GREB1: variants seen among roughly 807,000 people sequenced by gnomAD.
GREB1 encodes the protein growth regulating estrogen receptor binding 1.
GREB1 carries 106 observed loss-of-function variants against 200.7 expected under a neutral mutation model. That is an observed-to-expected ratio of 0.53 (90% CI 0.45 to 0.62). GREB1 has a LOEUF of 0.62. Among genes scored for constraint, GREB1 ranks in the 20% least tolerant of loss-of-function variants. The pLI is 0.00. For missense variants in GREB1, 2,243 were observed against 2,556.8 expected (o/e 0.88, Z 2.65); for synonymous variants, 1,132 against 1,092.4 (o/e 1.04, Z -0.72).
intron 4 of GREB1, 46 bp from the exon 5 acceptor site, chr2:11,576,307 C>CAA (rs368045289): frequency 4.6e-4 from 546 of 1,184,280 alleles, no homozygotes; most frequent in Middle Eastern, 6.6e-4. Flanking sequence ...GACTTCATCT[C>CAA]AAAAAAAAAA....
At chr2:11,635,679 A>T (rs990052661) in intron 30 of GREB1, among the ~76,000 whole-genome samples, 3 of 152,014 alleles carry the variant, frequency 2.0e-5, no homozygotes, top group Admixed American at 1.3e-4. Flanking sequence ...CACCTGCCCC[A>T]GCTGGGTGAG....
chr2:11,627,308 G>A (rs1171177081), intron 25 of GREB1, among the ~76,000 whole-genome samples: 1 of 152,212 alleles, frequency 6.6e-6, no homozygotes, highest in Non-Finnish European at 1.5e-5. Context: ...GGGGTTGTGT[G>A]TTTATCAGTG....
chr2:11,484,591 AC>A (rs66583739), intron 1 of GREB1, among the ~76,000 whole-genome samples: 2,077 of 7,374 alleles, frequency 0.28, 82 homozygotes, highest in African/African-American at 0.42. Context: ...CTCTTAAAAA[AC>A]AAAAAAAAAA....
At chr2:11,609,395 A>G (rs1202243531) in intron 17 of GREB1, among the ~76,000 whole-genome samples, 3 of 151,988 alleles carry the variant, frequency 2.0e-5, no homozygotes, top group Admixed American at 6.6e-5. Context: ...CAGCCTCCCA[A>G]GTAGCTGGGA....
rs1387552348 is a variant in GREB1 at position 11,627,044 on chromosome 2, C to G, written c.4389C>G (p.Tyr1463Ter). The G allele has an allele frequency of 1.9e-6, 3 of 1,613,980 alleles. No individual in the cohort carries two copies. Among genetic ancestry groups the G allele is most frequent in the East Asian group, 2.2e-5 (1 of 44,880 alleles). Residue 1463 changes from tyrosine (Y) to a stop codon, truncating the protein, a stop_gained, in exon 25 of 33, where the codon TAC becomes TAG. Transcript: ENST00000381486. LOFTEE classifies it high-confidence loss of function. ...TGAGACTGTCCAAGTACGCAGCGTA[C>G]AACACTTACCACCACTGTGAGCAGT... ...ARMRLSKYAA[Y>*]NTYHHCEQCH...
Position 11,629,944 on chromosome 2 carries a change from C to G in GREB1, c.4450-4C>G, listed in dbSNP as rs752530132. 6.2e-7 allele frequency: 1 copy of G among 1,613,702 alleles called. No homozygotes were observed. Among genetic ancestry groups the G allele is most frequent in the African/African-American group, 1.3e-5 (1 of 74,912 alleles). On this transcript the variant is annotated splice_region_variant and splice_polypyrimidine_tract_variant and intron_variant, in intron 25 of 32. Coordinates refer to ENST00000381486, the MANE Select transcript of GREB1 (RefSeq NM_014668.4). This position sits in a 1 kb window ranked among gnomAD's most constrained non-coding sequence, Gnocchi z 5.2. ...CAAGCTCTGTCCTTTCCCCCACACC[C>G]CAGCTGTATGAGTCCACCCTGCACG...
At chr2:11,551,385 C>T (rs918851449) in intron 1 of GREB1, among the ~76,000 whole-genome samples, 4 of 152,148 alleles carry the variant, frequency 2.6e-5, no homozygotes, top group Admixed American at 2.0e-4. Flanking sequence ...AGTGTCTGCC[C>T]GGCCTCCTGC....
At chr2:11,549,313 G>GT (rs1206611613) in intron 1 of GREB1, among the ~76,000 whole-genome samples, 3 of 152,000 alleles carry the variant, frequency 2.0e-5, no homozygotes, top group African/African-American at 7.2e-5. Flanking sequence ...ACATTAAAAT[G>GT]TTTTCTCTTT....
chr2:11,528,592 C>T (rs1361819394), intron 1 of GREB1, among the ~76,000 whole-genome samples: 1 of 152,062 alleles, frequency 6.6e-6, no homozygotes, highest in East Asian at 1.9e-4. Context: ...GTCTTGAACT[C>T]CCAGGCTTAA....
At chr2:11,509,764 G>T (rs572980841) in intron 1 of GREB1, among the ~76,000 whole-genome samples, 119 of 152,270 alleles carry the variant, frequency 7.8e-4, no homozygotes, top group African/African-American at 2.8e-3. Flanking sequence ...CAGTGAGAAG[G>T]CCCCATCTTT....
chr2:11,569,943 T>C (rs1345432908), intron 4 of GREB1, among the ~76,000 whole-genome samples: 1 of 152,120 alleles, frequency 6.6e-6, no homozygotes, highest in Non-Finnish European at 1.5e-5. Context: ...ACTATGGAAG[T>C]ACAGAGTCTC....
rs548049783 is a variant in GREB1 at position 11,634,610 on chromosome 2, T to C, written c.5210+261T>C. Among the ~76,000 whole-genome samples, 3 of 152,370 alleles carry C rather than the reference T, an allele frequency of 2.0e-5. No individual in the cohort carries two copies. The South Asian group carries it at 6.2e-4, about 32-fold the overall frequency. On this transcript the variant is annotated intron_variant, in intron 29 of 32. Coordinates refer to ENST00000381486, the MANE Select transcript of GREB1 (RefSeq NM_014668.4). Reference sequence around the variant, plus strand: ...TTGCCTTTTTGGTTCATTCTCCCAATACATTGCTTTTTAGAAGCTTTAGCC... The same window carrying C: ...TTGCCTTTTTGGTTCATTCTCCCAACACATTGCTTTTTAGAAGCTTTAGCC...
In GREB1 at chr2:11,642,067, A is replaced by G. The variant is rs962478477; in HGVS notation, c.*1613A>G. 5.9e-5 allele frequency: 9 copies of G among 152,156 alleles called. No individual in the cohort carries two copies. Among genetic ancestry groups the G allele is most frequent in the African/African-American group, 2.2e-4 (9 of 41,440 alleles). 9.4% of individuals were successfully genotyped at this position (152,156 alleles called of 1,614,324 possible). Reference sequence around the variant, plus strand: ...TGCCACACTGTTTTTGAAGTGGCCCATAACTTGAAGGAAAAGTTTAAAGAC... The same window carrying G: ...TGCCACACTGTTTTTGAAGTGGCCCGTAACTTGAAGGAAAAGTTTAAAGAC... On this transcript the variant is annotated 3_prime_UTR_variant, in exon 33 of 33. Coordinates refer to ENST00000381486, the MANE Select transcript of GREB1 (RefSeq NM_014668.4).
chr2:11,491,662 G>T (rs1167585237), intron 1 of GREB1, among the ~76,000 whole-genome samples: 1 of 152,170 alleles, frequency 6.6e-6, no homozygotes, highest in Non-Finnish European at 1.5e-5. Context: ...TCGTAAGACT[G>T]AATATTTTGT....
chr2:11,562,042 C>T (rs1166335090), intron 2 of GREB1, among the ~76,000 whole-genome samples: 1 of 152,190 alleles, frequency 6.6e-6, no homozygotes, highest in Non-Finnish European at 1.5e-5. Flanking sequence ...ATCTTTGGAA[C>T]GCTACCATGT....
At chr2:11,509,334 TA>T (rs1295971029) in intron 1 of GREB1, among the ~76,000 whole-genome samples, 2 of 152,190 alleles carry the variant, frequency 1.3e-5, no homozygotes, top group African/African-American at 2.4e-5. Flanking sequence ...TTCCCAGATT[TA>T]AAAAAATTAG....
intron 19 of GREB1, among the ~76,000 whole-genome samples, chr2:11,614,603 G>A (rs527774889): frequency 2.1e-4 from 32 of 151,768 alleles, no homozygotes; most frequent in African/African-American, 7.0e-4. Context: ...TGGCTCTGTC[G>A]CCCCGGCTGG....
At chr2:11,552,734 G>A (rs573060733) in intron 1 of GREB1, among the ~76,000 whole-genome samples, 26 of 152,090 alleles carry the variant, frequency 1.7e-4, no homozygotes, top group South Asian at 4.2e-4. Flanking sequence ...GCAGTTGGCC[G>A]GGCGCGGTGG....
At chr2:11,534,413 G>A (rs944409972) in intron 1 of GREB1, among the ~76,000 whole-genome samples, 159 bp downstream of exon 1, 1 of 152,230 alleles carries the variant, frequency 6.6e-6, no homozygotes, top group Non-Finnish European at 1.5e-5. Context: ...AAATTGTTCT[G>A]TAATATGTCA....
Sources: gnomAD v4.1 joint callset for allele counts (sites outside exome capture counted in the v4.1 genomes callset) on GRCh38, gnomAD v4.1.1 for gene constraint, Gnocchi (gnomAD v3.1) non-coding constraint, MANE v1.5 for transcripts, NCBI Gene and HGNC (gene_info 2026-07-23, HGNC 2026-07-21) for gene names.